The following PAPPA variants were observed in gnomAD, a reference collection of about 807,000 sequenced individuals.
The protein encoded by PAPPA is pappalysin-1.
In PAPPA, 60 loss-of-function variants were observed where a neutral mutation model predicts 164.0. The ratio of observed to expected loss-of-function variants is 0.37; its 90% CI spans 0.30 to 0.45. PAPPA has a LOEUF of 0.45. Ranked by LOEUF, PAPPA falls within the 20% of genes least tolerant of loss-of-function variation. The probability of loss-of-function intolerance (pLI) is 1.00; values close to 1 mark genes in which losing one functional copy is unlikely to be tolerated. For synonymous variants in PAPPA, 875 were observed against 814.1 expected (o/e 1.07, Z -1.27); for missense variants, 1,782 against 2,087.3 (o/e 0.85, Z 2.85).
At chr9:116,386,659 A>G (rs1353492968) in intron 21 of PAPPA, among the ~76,000 whole-genome samples, 1 of 152,182 alleles carries the variant, frequency 6.6e-6, no homozygotes. Context: ...GTTTCAGAAG[A>G]AGAAAGCATG....
rs562580862 is a variant in PAPPA, at chr9:116,397,532, C to A, written c.*916C>A. On this transcript the variant is annotated 3_prime_UTR_variant, in exon 22 of 22. Coordinates refer to ENST00000328252, the MANE Select transcript of PAPPA (RefSeq NM_002581.5). ...TAGGTTAGGAAAAATTCCACACAACCAAACAGTCTGCCTTAAAAGTGACCC... is the reference window on the plus strand; with the variant it reads ...TAGGTTAGGAAAAATTCCACACAACAAAACAGTCTGCCTTAAAAGTGACCC... 1.3e-5 allele frequency: 2 copies of A among 152,722 alleles called. No homozygotes were observed. Among genetic ancestry groups the A allele is most frequent in the African/African-American group, 2.4e-5 (1 of 41,560 alleles). The allele number at this position is 152,722 out of a possible 1,614,324, so 9.5% of individuals were successfully genotyped here. A position where few individuals can be genotyped will look rare whatever the true frequency, so the allele number is the denominator to read the frequency against.
chr9:116,245,278 A>C (rs1844784076), intron 7 of PAPPA, among the ~76,000 whole-genome samples: 1 of 152,192 alleles, frequency 6.6e-6, no homozygotes, highest in Non-Finnish European at 1.5e-5. Flanking sequence ...CATGTAATAA[A>C]ATTATATTTG....
intron 12 of PAPPA, 179 bp downstream of exon 12, chr9:116,332,647 A>G: frequency 1.7e-6 from 1 of 573,578 alleles, no homozygotes; most frequent in East Asian, 2.9e-5. Flanking sequence ...ATCCAGAGAA[A>G]TCAAGATCTG....
Position 116,396,544 on chromosome 9 carries a change from T to C in PAPPA, c.4812T>C (p.Gly1604=), listed in dbSNP as rs1297920055. 1.3e-6 allele frequency: 1 copy of C among 780,788 alleles called. No homozygotes were observed. The highest frequency in any genetic ancestry group is 2.4e-6 in the Non-Finnish European group (1 of 418,024). 48.4% of individuals were successfully genotyped at this position (780,788 alleles called of 1,614,324 possible). The part of the protein sequence containing the change: ...TPFPMSCDLQ[G]DCACRDPQAQ... ...TCCCTATGTCCTGTGATCTACAAGG[T>C]GACTGTGCTTGTCGGGACCCCCAGG... is the stretch of plus-strand genomic sequence containing the variant. The change falls in exon 22 of 22, where the codon GGT becomes GGC. Residue 1604 remains glycine, a synonymous_variant. Transcript: ENST00000328252.
intron 5 of PAPPA, among the ~76,000 whole-genome samples, chr9:116,226,217 G>A (rs148719268): frequency 2.6e-4 from 39 of 152,280 alleles, no homozygotes; most frequent in African/African-American, 9.1e-4. Context: ...GGGCATTAGG[G>A]GATAAAATCA....
chr9:116,240,003 C>T (rs1186838348), intron 7 of PAPPA, among the ~76,000 whole-genome samples: 1 of 152,128 alleles, frequency 6.6e-6, no homozygotes, highest in Non-Finnish European at 1.5e-5. Context: ...CTCCACTTGG[C>T]TGTCAAGTGC....
In PAPPA at chr9:116,172,689, C is replaced by T. The variant is rs528925513; in HGVS notation, c.416-14465C>T. 7.9e-5 allele frequency among the ~76,000 whole-genome samples: 12 copies of T among 152,336 alleles called. No individual in the cohort carries two copies. The South Asian group carries it at 2.5e-3, about 32-fold the overall frequency. ...TGTTCTTGGCCTCCTCCTCATCAATCTTCTCTGTTTCATAGTCTTTCAGTT... is the reference window on the plus strand; with the variant it reads ...TGTTCTTGGCCTCCTCCTCATCAATTTTCTCTGTTTCATAGTCTTTCAGTT... On this transcript the variant is annotated intron_variant, in intron 1 of 21. Coordinates refer to ENST00000328252, the MANE Select transcript of PAPPA (RefSeq NM_002581.5).
chr9:116,324,368 A>G (rs1380212889), intron 10 of PAPPA, among the ~76,000 whole-genome samples: 1 of 152,222 alleles, frequency 6.6e-6, no homozygotes, highest in Non-Finnish European at 1.5e-5. Context: ...TAGTACATAC[A>G]GAGTCCTTAA....
At chr9:116,217,189 A>G (rs2118697919) in intron 4 of PAPPA, among the ~76,000 whole-genome samples, 1 of 152,372 alleles carries the variant, frequency 6.6e-6, no homozygotes, top group South Asian at 2.1e-4. Flanking sequence ...GTTGGGGGAA[A>G]GCAAGTAAAG....
intron 3 of PAPPA, among the ~76,000 whole-genome samples, chr9:116,208,264 T>C (rs930913902): frequency 3.2e-4 from 49 of 152,346 alleles, no homozygotes; most frequent in African/African-American, 1.2e-3. Flanking sequence ...CATGCTCTCT[T>C]CCAGGACACA....
rs1846781416 is a variant in PAPPA at position 116,384,627 on chromosome 9, T to C, written c.4776+2134T>C. 2.0e-5 allele frequency among the ~76,000 whole-genome samples: 3 copies of C among 152,228 alleles called. No homozygotes were observed. In the South Asian group the frequency reaches 6.2e-4, roughly 31 times the overall value. Reference sequence around the variant, plus strand: ...CTTATAATTTTAACTAAAATGATGCTCATGAGCGTCTTTGCACATAAAATA... The same window carrying C: ...CTTATAATTTTAACTAAAATGATGCCCATGAGCGTCTTTGCACATAAAATA... On this transcript the variant is annotated intron_variant, in intron 21 of 21. Transcript: ENST00000328252.
At chr9:116,262,520 T>A (rs1289563810) in intron 7 of PAPPA, among the ~76,000 whole-genome samples, 1 of 152,200 alleles carries the variant, frequency 6.6e-6, no homozygotes, top group African/African-American at 2.4e-5. Flanking sequence ...GATTTTGAGC[T>A]GGACAGTGGC....
Position 116,402,120 on chromosome 9 carries a change from T to G in PAPPA, c.*5504T>G, listed in dbSNP as rs1847066984. ...TCTAATTTATTTTTTCTATACAGTT[T>G]TAAATACTCAGACATATTTTGCTGT... is the stretch of plus-strand genomic sequence containing the variant. On this transcript the variant is annotated 3_prime_UTR_variant, in exon 22 of 22. Transcript: ENST00000328252. 6.6e-6 allele frequency: 1 copy of G among 152,618 alleles called. No individual in the cohort carries two copies. Among genetic ancestry groups the G allele is most frequent in the African/African-American group, 2.4e-5 (1 of 41,454 alleles). The allele number at this position is 152,618 out of a possible 1,614,324, so 9.5% of individuals were successfully genotyped here. A position where few individuals can be genotyped will look rare whatever the true frequency, so the allele number is the denominator to read the frequency against.
At chr9:116,367,355 G>A (rs1410050461) in intron 18 of PAPPA, among the ~76,000 whole-genome samples, 6 of 152,196 alleles carry the variant, frequency 3.9e-5, no homozygotes, top group Non-Finnish European at 5.9e-5. Flanking sequence ...ATTTTGTTCT[G>A]GATGTGGGGA....
At chr9:116,171,441 T>A (rs1843774661) in intron 1 of PAPPA, among the ~76,000 whole-genome samples, 1 of 152,172 alleles carries the variant, frequency 6.6e-6, no homozygotes, top group Non-Finnish European at 1.5e-5. Flanking sequence ...AACAAACACA[T>A]GGTCCAAGGC....
intron 10 of PAPPA, among the ~76,000 whole-genome samples, chr9:116,308,325 A>C (rs1419511583): frequency 3.3e-5 from 5 of 152,248 alleles, no homozygotes; most frequent in African/African-American, 1.2e-4. Context: ...AGTAGTGATG[A>C]GAGCCAGTGT....
In PAPPA at chr9:116,368,345, G is replaced by A. The variant is rs530191614; in HGVS notation, c.4605+591G>A. ...ACTCCATTTTAGCCTCAGCACAGTT[G>A]TATGAGAGAAGGGTCATTGTCTGCA... On this transcript the variant is annotated intron_variant, in intron 19 of 21. Coordinates refer to ENST00000328252, the MANE Select transcript of PAPPA (RefSeq NM_002581.5). Among the ~76,000 whole-genome samples, 3 of 152,338 alleles carry A rather than the reference G, an allele frequency of 2.0e-5. No individual in the cohort carries two copies. The East Asian group carries it at 5.8e-4, about 29-fold the overall frequency.
chr9:116,164,946 G>A (rs976122563), intron 1 of PAPPA, among the ~76,000 whole-genome samples: 6 of 152,168 alleles, frequency 3.9e-5, no homozygotes, highest in African/African-American at 1.4e-4. Flanking sequence ...ACTCATCCAA[G>A]CCATTTATTT....
At chr9:116,222,504 T>C (rs1844458285) in intron 5 of PAPPA, among the ~76,000 whole-genome samples, 1 of 152,200 alleles carries the variant, frequency 6.6e-6, no homozygotes, top group African/African-American at 2.4e-5. Flanking sequence ...AATGGAATAC[T>C]ATTCAGCCTT....
Sources: allele counts gnomAD v4.1 joint callset (sites outside exome capture counted in the v4.1 genomes callset), GRCh38; gene constraint gnomAD v4.1.1; transcripts MANE v1.5; gene names NCBI Gene and HGNC (gene_info 2026-07-23, HGNC 2026-07-21).